Variants in BMPR2 observed in about 807,000 individuals in gnomAD.
BMPR2 encodes bone morphogenetic protein receptor type 2.
Under a neutral mutation model 100.8 loss-of-function variants are expected in BMPR2, and 29 were observed. The observed-to-expected ratio is 0.29, with a 90% CI of 0.21 to 0.39. BMPR2 has a LOEUF of 0.39. Among genes scored for constraint, BMPR2 ranks in the 10% least tolerant of loss-of-function variants. The pLI is 1.00. For synonymous variants in BMPR2, 382 were observed against 442.3 expected (o/e 0.86, Z 1.71); for missense variants, 1,011 against 1,274.5 (o/e 0.79, Z 3.15).
intron 1 of BMPR2, among the ~76,000 whole-genome samples, chr2:202,393,563 T>C (rs1286210189): frequency 2.0e-5 from 3 of 152,148 alleles, no homozygotes; most frequent in Non-Finnish European, 2.9e-5. Context: ...CCCAAAGTGT[T>C]GGGGCTACAG....
At chr2:202,471,659 C>T (rs926573023) in intron 3 of BMPR2, among the ~76,000 whole-genome samples, 7 of 152,114 alleles carry the variant, frequency 4.6e-5, no homozygotes, top group African/African-American at 1.7e-4. Context: ...TCATATAAAA[C>T]AGACTGTGGG....
At chr2:202,432,222 T>C (rs1409668518) in intron 1 of BMPR2, among the ~76,000 whole-genome samples, 1 of 150,874 alleles carries the variant, frequency 6.6e-6, no homozygotes, top group African/African-American at 2.5e-5. Flanking sequence ...GTTTTCATTT[T>C]GTAATTTGAA....
intron 3 of BMPR2, among the ~76,000 whole-genome samples, chr2:202,509,627 T>G (rs887538768): frequency 2.0e-5 from 3 of 151,870 alleles, no homozygotes; most frequent in Admixed American, 6.6e-5. Flanking sequence ...TGTACAACTT[T>G]TGGTTTTTCA....
intron 1 of BMPR2, among the ~76,000 whole-genome samples, chr2:202,435,394 T>A (rs1358391985): frequency 2.8e-5 from 4 of 140,768 alleles, no homozygotes; most frequent in African/African-American, 8.3e-5. Flanking sequence ...TATATATATA[T>A]ATATATATAT....
At chr2:202,514,308 T>C (rs1478639687) in intron 4 of BMPR2, among the ~76,000 whole-genome samples, 1 of 152,124 alleles carries the variant, frequency 6.6e-6, no homozygotes, top group African/African-American at 2.4e-5. Context: ...GGCTAATTTT[T>C]TGTATTTTTA....
At chr2:202,448,603 C>T (rs1027388139) in intron 1 of BMPR2, among the ~76,000 whole-genome samples, 2 of 151,322 alleles carry the variant, frequency 1.3e-5, no homozygotes, top group Admixed American at 1.3e-4. Context: ...ACTACAGGCA[C>T]GTGCCACCAT....
intron 1 of BMPR2, among the ~76,000 whole-genome samples, chr2:202,380,195 C>T (rs1251270745): frequency 6.7e-6 from 1 of 150,082 alleles, no homozygotes; most frequent in Non-Finnish European, 1.5e-5. Flanking sequence ...TATGCCCCCC[C>T]CAAAAAAAAA....
chr2:202,483,971 A>G lies in BMPR2; in HGVS notation c.418+16282A>G, dbSNP rs1009224370. Reference sequence around the variant, plus strand: ...TAGCTGGGCATAGTGGTGCACACCTATAGTCCTAGCTACTCCAGAAGCTGA... The same window carrying G: ...TAGCTGGGCATAGTGGTGCACACCTGTAGTCCTAGCTACTCCAGAAGCTGA... On this transcript the variant is annotated intron_variant, in intron 3 of 12. Coordinates refer to ENST00000374580, the MANE Select transcript of BMPR2 (RefSeq NM_001204.7). Among the ~76,000 whole-genome samples, 5 of 152,202 alleles carry G rather than the reference A, an allele frequency of 3.3e-5. 1 individual carries two copies. The highest frequency in any genetic ancestry group is 4.1e-4 in the South Asian group (2 of 4,834).
chr2:202,445,030 C>T (rs1377594983), intron 1 of BMPR2, among the ~76,000 whole-genome samples: 1 of 150,204 alleles, frequency 6.7e-6, no homozygotes, highest in Non-Finnish European at 1.5e-5. Flanking sequence ...TCAGGTGATC[C>T]ACCTGCCTTG....
chr2:202,511,150 C>T (rs940843362), intron 3 of BMPR2, among the ~76,000 whole-genome samples: 3 of 152,198 alleles, frequency 2.0e-5, no homozygotes, highest in African/African-American at 7.2e-5. Flanking sequence ...TAAGCAGTCA[C>T]TCCCTATTTC....
Position 202,377,277 on chromosome 2 carries a change from A to G in BMPR2, c.-198A>G. ...AGGAACCCCCCCAGCCGCGAGGGAG[A>G]GAAATGAAGGGAATTTCTGCAGCGG... On this transcript the variant is annotated 5_prime_UTR_variant, in exon 1 of 13. Coordinates refer to ENST00000374580, the MANE Select transcript of BMPR2 (RefSeq NM_001204.7). The G allele has an allele frequency of 1.5e-6, 1 of 645,194 alleles. No individual in the cohort carries two copies. The highest frequency in any genetic ancestry group is 2.8e-6 in the Non-Finnish European group (1 of 354,390). 40.0% of individuals were successfully genotyped at this position (645,194 alleles called of 1,614,324 possible). A position where few individuals can be genotyped will look rare whatever the true frequency, so the allele number is the denominator to read the frequency against.
At chr2:202,415,251 C>T (rs1691103014) in intron 1 of BMPR2, among the ~76,000 whole-genome samples, 1 of 151,972 alleles carries the variant, frequency 6.6e-6, no homozygotes, top group Non-Finnish European at 1.5e-5. Flanking sequence ...GGGCAGATCA[C>T]CTGAGGTTGG....
At chr2:202,427,372 A>AG (rs1319374554) in intron 1 of BMPR2, among the ~76,000 whole-genome samples, 1 of 151,720 alleles carries the variant, frequency 6.6e-6, no homozygotes, top group Non-Finnish European at 1.5e-5. Flanking sequence ...AAAAAAAAAA[A>AG]AAAAAAAAGG....
At chr2:202,436,959 C>T (rs1691626510) in intron 1 of BMPR2, among the ~76,000 whole-genome samples, 1 of 150,476 alleles carries the variant, frequency 6.6e-6, no homozygotes, top group South Asian at 2.1e-4. Context: ...ATTTTATTCA[C>T]ATGGACAATT....
chr2:202,472,868 T>A (rs1019248613), intron 3 of BMPR2, among the ~76,000 whole-genome samples: 8 of 152,160 alleles, frequency 5.3e-5, no homozygotes, highest in Non-Finnish European at 8.8e-5. Context: ...TTGGAAGCAT[T>A]AACTCAATTT....
intron 3 of BMPR2, among the ~76,000 whole-genome samples, chr2:202,482,690 C>A (rs1454923993): frequency 6.6e-6 from 1 of 152,060 alleles, no homozygotes; most frequent in Non-Finnish European, 1.5e-5. Context: ...AGGCACCCGC[C>A]ACTATGTCCA....
rs1349073161 is a variant in BMPR2 at position 202,423,893 on chromosome 2, A to G, written c.77-40916A>G. On this transcript the variant is annotated intron_variant, in intron 1 of 12. Coordinates refer to ENST00000374580, the MANE Select transcript of BMPR2 (RefSeq NM_001204.7). Reference sequence around the variant, plus strand: ...AACATGGCGAAACCCTGTCTCTACTAAATATACAAAAATTATATTTGTTTA... The same window carrying G: ...AACATGGCGAAACCCTGTCTCTACTGAATATACAAAAATTATATTTGTTTA... Among the ~76,000 whole-genome samples, 4 of 151,478 alleles carry G rather than the reference A, an allele frequency of 2.6e-5. No homozygotes were observed. In the South Asian group the frequency reaches 8.4e-4, roughly 32 times the overall value.
intron 1 of BMPR2, among the ~76,000 whole-genome samples, chr2:202,409,019 G>A (rs190712207): frequency 6.6e-6 from 1 of 152,188 alleles, no homozygotes; most frequent in Admixed American, 6.5e-5. Flanking sequence ...TTAGCCAAAG[G>A]AACAAACTAC....
chr2:202,565,155 G>A lies in BMPR2; in HGVS notation c.*5209G>A, dbSNP rs902856026. 1 of 151,948 alleles carries A rather than the reference G, an allele frequency of 6.6e-6. No homozygotes were observed. The highest frequency in any genetic ancestry group is 1.5e-5 in the Non-Finnish European group (1 of 67,996). The allele number at this position is 151,948 out of a possible 1,614,324, so 9.4% of individuals were successfully genotyped here. A position where few individuals can be genotyped will look rare whatever the true frequency, so the allele number is the denominator to read the frequency against. Reference sequence around the variant, plus strand: ...GGAAAGTTTTCTTCATATCTATTCTGTCTCCCTCCTCTTTGATTTTAAATT... The same window carrying A: ...GGAAAGTTTTCTTCATATCTATTCTATCTCCCTCCTCTTTGATTTTAAATT... On this transcript the variant is annotated 3_prime_UTR_variant, in exon 13 of 13. Coordinates refer to ENST00000374580, the MANE Select transcript of BMPR2 (RefSeq NM_001204.7).
Sources: gnomAD v4.1 joint callset for allele counts (sites outside exome capture counted in the v4.1 genomes callset) on GRCh38, gnomAD v4.1.1 for gene constraint, MANE v1.5 for transcripts, NCBI Gene and HGNC (gene_info 2026-07-23, HGNC 2026-07-21) for gene names.